The following GRK4 variants were observed in gnomAD, a reference collection of about 807,000 sequenced individuals.
The protein encoded by GRK4 is G protein-coupled receptor kinase 2-like.
In GRK4, 73 loss-of-function variants were observed where a neutral mutation model predicts 77.9. The observed-to-expected ratio is 0.94, with a 90% CI of 0.78 to 1.14. GRK4 has a LOEUF of 1.14. Among genes scored for constraint, GRK4 ranks in the 50% most tolerant of loss-of-function variants. The pLI is 0.00. For synonymous variants in GRK4, 257 were observed against 254.4 expected (o/e 1.01, Z -0.10); for missense variants, 729 against 700.2 (o/e 1.04, Z -0.46).
Position 3,037,282 on chromosome 4 carries a change from C to T in GRK4, c.1408-92C>T, listed in dbSNP as rs527562242. 611 of 1,262,994 alleles carry T rather than the reference C, an allele frequency of 4.8e-4. 1 individual carries two copies. The highest frequency in any genetic ancestry group is 8.4e-4 in the Admixed American group (41 of 48,862). 78.2% of individuals were successfully genotyped at this position (1,262,994 alleles called of 1,614,324 possible). Reference sequence around the variant, plus strand: ...GACAGGGAGAGTGGCGGTGTTTATGCGTCAGTTTGCTGGGCGTTTCATTCT... The same window carrying T: ...GACAGGGAGAGTGGCGGTGTTTATGTGTCAGTTTGCTGGGCGTTTCATTCT... On this transcript the variant is annotated intron_variant, in intron 13 of 15. Transcript: ENST00000398052.
rs528829693 is a variant in GRK4 at position 3,028,041 on chromosome 4, G to C, written c.1060+40G>C. 23 of 1,575,352 alleles carry C rather than the reference G, an allele frequency of 1.5e-5. No homozygotes were observed. The South Asian group carries it at 2.4e-4, about 17-fold the overall frequency. On this transcript the variant is annotated intron_variant, in intron 11 of 15. Transcript: ENST00000398052. ...TTCGGCGTCCTTGTCCTTTCTATCC[G>C]GGTGCCTGAGTGCCTCAGAACACAG...
At position 3,038,531 on chromosome 4, in the gene GRK4, C is replaced by G. The variant is rs1325313744; in HGVS notation, c.1683+18C>G. 1 of 1,589,224 alleles carries G rather than the reference C, an allele frequency of 6.3e-7. No individual in the cohort carries two copies. Among genetic ancestry groups the G allele is most frequent in the East Asian group, 2.2e-5 (1 of 44,678 alleles). ...GAAGAGGGGTAAAAAGACTTAAAAA[C>G]TAATATATGTGTGTGTATGTGAAAA... On this transcript the variant is annotated intron_variant, in intron 15 of 15. Coordinates refer to ENST00000398052, the MANE Select transcript of GRK4 (RefSeq NM_182982.3).
intron 15 of GRK4, 179 bp downstream of exon 15, chr4:3,038,692 C>T (rs941929873): frequency 1.0e-5 from 6 of 593,476 alleles, no homozygotes; most frequent in African/African-American, 5.6e-5. Context: ...AGAACACCCT[C>T]GCAGTGAGGT....
chr4:3,027,429 G>T (rs1737881261), intron 10 of GRK4, among the ~76,000 whole-genome samples: 1 of 152,094 alleles, frequency 6.6e-6, no homozygotes, highest in Non-Finnish European at 1.5e-5. Flanking sequence ...AGTTCCCTAA[G>T]TACCTTAATT....
chr4:2,988,635 C>G (rs781488101), intron 2 of GRK4, 92 bp from the exon 3 acceptor site: 10 of 697,184 alleles, frequency 1.4e-5, no homozygotes, highest in Non-Finnish European at 2.6e-5. Context: ...TTGACTTTTA[C>G]TGTATCGAGT....
At chr4:3,037,191 C>A (rs1291718698) in intron 13 of GRK4, among the ~76,000 whole-genome samples, 183 bp from the exon 14 acceptor site, 12 of 152,060 alleles carry the variant, frequency 7.9e-5, no homozygotes, top group Non-Finnish European at 1.8e-4. Context: ...CGAACCACCT[C>A]TTCAGAGGAC....
At chr4:3,020,794 G>A (rs1255821216) in intron 9 of GRK4, among the ~76,000 whole-genome samples, 1 of 148,256 alleles carries the variant, frequency 6.7e-6, no homozygotes, top group Admixed American at 6.7e-5. Context: ...CAGGATGAAA[G>A]GGGGAAAAAA....
chr4:2,992,342 C>T (rs1726469261), intron 4 of GRK4, 50 bp downstream of exon 4: 1 of 1,216,034 alleles, frequency 8.2e-7, no homozygotes, highest in South Asian at 1.2e-5. Context: ...AATTAGAGTG[C>T]ATAGCCATTT....
chr4:2,996,502 C>T (rs1281569987), intron 4 of GRK4, among the ~76,000 whole-genome samples: 1 of 151,960 alleles, frequency 6.6e-6, no homozygotes, highest in Non-Finnish European at 1.5e-5. Flanking sequence ...TTGCAGTGAG[C>T]TGAGTTCGCG....
chr4:3,018,450 G>A (rs1288810277), intron 8 of GRK4, among the ~76,000 whole-genome samples: 1 of 152,182 alleles, frequency 6.6e-6, no homozygotes, highest in African/African-American at 2.4e-5. Context: ...GGGAGGATCA[G>A]TTGAGCCCAG....
intron 10 of GRK4, among the ~76,000 whole-genome samples, chr4:3,023,028 C>T (rs982521201): frequency 1.3e-5 from 2 of 152,158 alleles, no homozygotes; most frequent in African/African-American, 2.4e-5. Context: ...AGAACGTTTT[C>T]TCCCTCTTGT....
intron 10 of GRK4, among the ~76,000 whole-genome samples, chr4:3,025,644 G>A (rs534168268): frequency 1.1e-4 from 16 of 151,720 alleles, no homozygotes; most frequent in Non-Finnish European, 2.1e-4. Flanking sequence ...CGCCCGCCTC[G>A]GCCTCCCAAA....
chr4:3,011,795 A>G (rs779080899), intron 7 of GRK4, among the ~76,000 whole-genome samples: 3 of 152,212 alleles, frequency 2.0e-5, no homozygotes, highest in Non-Finnish European at 2.9e-5. Context: ...TGTCAACAGT[A>G]ATTCTTTCGC....
intron 4 of GRK4, among the ~76,000 whole-genome samples, chr4:2,998,121 C>T (rs1265475233): frequency 6.6e-6 from 1 of 151,980 alleles, no homozygotes; most frequent in Non-Finnish European, 1.5e-5. Flanking sequence ...CTTTGGGAGG[C>T]CAAAGCGCGT....
rs67664476 is a variant in GRK4 at position 2,988,075 on chromosome 4, C to CAAAAAAAAAAAAA, written c.149-640_149-628dup. Reference sequence around the variant, plus strand: ...TGGATGACAGAGTGAGGCTCTGTCTCAAAAAAAAAAAAAAAAAAAAAAAAG... The same window carrying CAAAAAAAAAAAAA: ...TGGATGACAGAGTGAGGCTCTGTCTCAAAAAAAAAAAAAAAAAAAAAAAAAAAAAAAAAAAAAG... On this transcript the variant is annotated intron_variant, in intron 2 of 15. Coordinates refer to ENST00000398052, the MANE Select transcript of GRK4 (RefSeq NM_182982.3). Among the ~76,000 whole-genome samples the CAAAAAAAAAAAAA allele has an allele frequency of 1.9e-3, 64 of 33,658 alleles. 1 individual carries two copies. The highest frequency in any genetic ancestry group is 3.3e-3 in the South Asian group (3 of 908). The allele number at this position is 33,658 out of a possible 152,430, so 22.1% of individuals were successfully genotyped here. A position where few individuals can be genotyped will look rare whatever the true frequency, so the allele number is the denominator to read the frequency against.
In GRK4 at chr4:3,004,362, A is replaced by G. The variant is rs770872527; in HGVS notation, c.443+28A>G. The G allele has an allele frequency of 3.6e-6, 5 of 1,404,810 alleles. No individual in the cohort carries two copies. In the South Asian group the frequency reaches 5.8e-5, roughly 16 times the overall value. 87.0% of individuals were successfully genotyped at this position (1,404,810 alleles called of 1,614,324 possible). A position where few individuals can be genotyped will look rare whatever the true frequency, so the allele number is the denominator to read the frequency against. On this transcript the variant is annotated intron_variant, in intron 5 of 15. Coordinates refer to ENST00000398052, the MANE Select transcript of GRK4 (RefSeq NM_182982.3). The stretch of plus-strand genomic sequence containing the variant: ...AAGTGGTTCATGCTGAGCCCTGCAT[A>G]TATTATCTATGACTAACCCCAAAAC...
intron 9 of GRK4, among the ~76,000 whole-genome samples, chr4:3,022,023 C>G (rs1213842864): frequency 6.6e-6 from 1 of 152,178 alleles, no homozygotes; most frequent in East Asian, 1.9e-4. Context: ...ACTACAGGTA[C>G]ACACCACTGC....
chr4:3,039,633 G>A (rs1348660910), intron 15 of GRK4, among the ~76,000 whole-genome samples: 2 of 148,894 alleles, frequency 1.3e-5, no homozygotes, highest in Non-Finnish European at 3.0e-5. Flanking sequence ...GGGAGGCGGA[G>A]GTTACAGGGA....
intron 10 of GRK4, among the ~76,000 whole-genome samples, chr4:3,025,387 A>ATT (rs71180111): frequency 0.014 from 1,609 of 112,206 alleles, 108 homozygotes; most frequent in African/African-American, 0.035. Flanking sequence ...TAGCGATCTA[A>ATT]TTTTTTTTTT....
Sources: gnomAD v4.1 joint callset for allele counts (sites outside exome capture counted in the v4.1 genomes callset) on GRCh38, gnomAD v4.1.1 for gene constraint, MANE v1.5 for transcripts, NCBI Gene and HGNC (gene_info 2026-07-23, HGNC 2026-07-21) for gene names.